The following CDK19 variants were observed in gnomAD, a reference collection of about 807,000 sequenced individuals.
The protein encoded by CDK19 is cyclin dependent kinase 19.
CDK19 carries 20 observed loss-of-function variants against 68.3 expected under a neutral mutation model. The observed-to-expected ratio is 0.29, with a 90% CI of 0.21 to 0.43. The LOEUF is 0.43. Ranked by LOEUF, CDK19 falls within the 20% of genes least tolerant of loss-of-function variation. CDK19 has a pLI of 1.00. For missense variants in CDK19, 339 were observed against 623.5 expected (o/e 0.54, Z 4.86); for synonymous variants, 221 against 222.8 (o/e 0.99, Z 0.07).
intron 1 of CDK19, among the ~76,000 whole-genome samples, chr6:110,774,369 C>T (rs1780248659): frequency 6.6e-6 from 1 of 152,170 alleles, no homozygotes; most frequent in African/African-American, 2.4e-5. Context: ...ACCAGACACC[C>T]TATACACACT....
intron 4 of CDK19, among the ~76,000 whole-genome samples, chr6:110,648,716 T>TTTTTG (rs1380062872): frequency 1.3e-5 from 2 of 151,066 alleles, no homozygotes; most frequent in Non-Finnish European, 2.9e-5. Flanking sequence ...AATTTTTGTT[T>TTTTTG]TTTTGTTTTG....
At chr6:110,689,691 G>A (rs1052430698) in intron 2 of CDK19, among the ~76,000 whole-genome samples, 4 of 152,146 alleles carry the variant, frequency 2.6e-5, no homozygotes, top group Admixed American at 1.3e-4. Context: ...AAGGAATCTC[G>A]GAGTCTGCGT....
At chr6:110,675,914 G>A (rs1771489710) in intron 2 of CDK19, among the ~76,000 whole-genome samples, 3 of 152,300 alleles carry the variant, frequency 2.0e-5, no homozygotes, top group South Asian at 4.1e-4. Context: ...CGTGAATCAA[G>A]AAGTCATTTT....
At chr6:110,742,825 A>T (rs1175330946) in intron 2 of CDK19, among the ~76,000 whole-genome samples, 1 of 152,132 alleles carries the variant, frequency 6.6e-6, no homozygotes, top group Non-Finnish European at 1.5e-5. Context: ...TCAAGACAAT[A>T]CGTGCACAGC....
intron 1 of CDK19, among the ~76,000 whole-genome samples, chr6:110,759,807 C>T (rs1358114257): frequency 6.6e-6 from 1 of 151,794 alleles, no homozygotes; most frequent in African/African-American, 2.4e-5. Flanking sequence ...TCAGGTTAAC[C>T]TGACCTCGTT....
chr6:110,749,926 C>T (rs564986171), intron 1 of CDK19, among the ~76,000 whole-genome samples: 1 of 143,294 alleles, frequency 7.0e-6, no homozygotes, highest in Non-Finnish European at 1.5e-5. Context: ...TGCCCGCCAC[C>T]ACACCCAGAT....
intron 1 of CDK19, among the ~76,000 whole-genome samples, chr6:110,759,712 A>G (rs1400499220): frequency 1.3e-5 from 2 of 151,944 alleles, no homozygotes; most frequent in Non-Finnish European, 2.9e-5. Context: ...TGATTTTTCC[A>G]TAATGAATAT....
intron 2 of CDK19, among the ~76,000 whole-genome samples, chr6:110,710,476 C>A (rs561831767): frequency 6.7e-4 from 102 of 152,174 alleles, no homozygotes; most frequent in Non-Finnish European, 1.3e-3. Context: ...TATAATAATA[C>A]CCTTTGTCTC....
chr6:110,760,396 CAAAAAAAAAAAAA>C (rs34613571), intron 1 of CDK19, among the ~76,000 whole-genome samples: 1 of 39,778 alleles, frequency 2.5e-5, no homozygotes, highest in Middle Eastern at 0.02. Flanking sequence ...GGCTTTGTCT[CAAAAAAAAAAAAA>C]AAAAAAAAAA....
intron 1 of CDK19, among the ~76,000 whole-genome samples, chr6:110,761,487 T>TG (rs1779227037): frequency 6.6e-6 from 1 of 152,130 alleles, no homozygotes; most frequent in Non-Finnish European, 1.5e-5. Context: ...GCTCGGGCAA[T>TG]GGGTGATGGT....
chr6:110,740,729 C>T (rs1582996329), intron 2 of CDK19, among the ~76,000 whole-genome samples: 1 of 152,080 alleles, frequency 6.6e-6, no homozygotes, highest in Non-Finnish European at 1.5e-5. Flanking sequence ...ATCCTCTCAG[C>T]TATGTGTGCC....
At chr6:110,715,290 G>A (rs1032074675) in intron 2 of CDK19, among the ~76,000 whole-genome samples, 2 of 152,104 alleles carry the variant, frequency 1.3e-5, no homozygotes, top group African/African-American at 4.8e-5. Context: ...AAGTGAAAAA[G>A]ACAACATTAT....
At chr6:110,774,343 T>A (rs747738987) in intron 1 of CDK19, among the ~76,000 whole-genome samples, 2 of 152,222 alleles carry the variant, frequency 1.3e-5, no homozygotes, top group Non-Finnish European at 2.9e-5. Flanking sequence ...AGTAGCTGCC[T>A]GAAATCTGGG....
At chr6:110,756,058 A>G (rs1778816710) in intron 1 of CDK19, among the ~76,000 whole-genome samples, 1 of 152,134 alleles carries the variant, frequency 6.6e-6, no homozygotes, top group Non-Finnish European at 1.5e-5. Context: ...CAGGAGTTCA[A>G]GACCAGCCTG....
At chr6:110,661,314 G>A (rs1229337214) in intron 4 of CDK19, among the ~76,000 whole-genome samples, 1 of 152,140 alleles carries the variant, frequency 6.6e-6, no homozygotes, top group African/African-American at 2.4e-5. Flanking sequence ...GATACTAGAA[G>A]TTAAAAACAT....
At chr6:110,719,529 A>C (rs566524771) in intron 2 of CDK19, among the ~76,000 whole-genome samples, 35 of 152,280 alleles carry the variant, frequency 2.3e-4, no homozygotes, top group African/African-American at 8.4e-4. Flanking sequence ...AACTCAAAAA[A>C]TAAATAAATA....
At chr6:110,805,609 T>C (rs1782627662) in intron 1 of CDK19, among the ~76,000 whole-genome samples, 1 of 148,704 alleles carries the variant, frequency 6.7e-6, no homozygotes, top group Admixed American at 6.6e-5. Flanking sequence ...TTGGCCCTCA[T>C]ATACGCAGGT....
At chr6:110,765,557 T>A (rs1779524745) in intron 1 of CDK19, among the ~76,000 whole-genome samples, 1 of 150,906 alleles carries the variant, frequency 6.6e-6, no homozygotes, top group Admixed American at 6.6e-5. Flanking sequence ...GGCACGTGCC[T>A]GTAGTCCCAG....
At chr6:110,735,169 A>C (rs910721460) in intron 2 of CDK19, among the ~76,000 whole-genome samples, 2 of 151,734 alleles carry the variant, frequency 1.3e-5, no homozygotes, top group Admixed American at 1.3e-4. Context: ...CTGGTCTCAA[A>C]CTCCTGAGCT....
Sources: gnomAD v4.1 joint callset for allele counts (sites outside exome capture counted in the v4.1 genomes callset) on GRCh38, gnomAD v4.1.1 for gene constraint, MANE v1.5 for transcripts, NCBI Gene and HGNC (gene_info 2026-07-23, HGNC 2026-07-21) for gene names.